AP3B1: variants seen among roughly 807,000 people sequenced by gnomAD.
The protein encoded by AP3B1 is adaptor related protein complex 3 subunit beta 1.
In AP3B1, 61 loss-of-function variants were observed where a neutral mutation model predicts 132.5. That is an observed-to-expected ratio of 0.46 (90% confidence interval 0.37 to 0.57). The LOEUF is 0.57. Ranked by LOEUF, AP3B1 falls within the 20% of genes least tolerant of loss-of-function variation. The pLI is 0.00. For synonymous variants in AP3B1, 388 were observed against 438.3 expected, an observed-to-expected ratio of 0.89 and a Z score of 1.43; for missense variants, 1,120 against 1,289.4, an observed-to-expected ratio of 0.87 and a Z score of 2.01.
intron 4 of AP3B1, 84 bp from the exon 5 acceptor site, chr5:78,227,616 TA>T: frequency 7.6e-7 from 1 of 1,312,544 alleles, no homozygotes; most frequent in Non-Finnish European, 1.1e-6. Flanking sequence ...AATAGGTGCT[TA>T]AAGGGTGTAA....
intron 22 of AP3B1, among the ~76,000 whole-genome samples, chr5:78,049,421 C>G (rs1748485749): frequency 6.6e-6 from 1 of 152,166 alleles, no homozygotes; most frequent in Admixed American, 6.5e-5. Context: ...GTTGTACCAG[C>G]CCTGTGCTAA....
At chr5:78,222,033 C>G (rs1224206376) in intron 6 of AP3B1, among the ~76,000 whole-genome samples, 1 of 151,696 alleles carries the variant, frequency 6.6e-6, no homozygotes, top group East Asian at 1.9e-4. Context: ...AGTGATGGCA[C>G]TAAACAATAT....
intron 22 of AP3B1, among the ~76,000 whole-genome samples, chr5:78,070,779 A>G (rs1283092514): frequency 6.6e-6 from 1 of 152,226 alleles, no homozygotes; most frequent in African/African-American, 2.4e-5. Context: ...TCTCAAAAGA[A>G]GATATTTATG....
At chr5:78,009,780 G>A (rs1200519669) in intron 26 of AP3B1, among the ~76,000 whole-genome samples, 2 of 150,734 alleles carry the variant, frequency 1.3e-5, no homozygotes, top group Admixed American at 6.6e-5. Flanking sequence ...ATACGGGGGG[G>A]TGGGGGAGGG....
Position 78,294,446 on chromosome 5 carries a change from C to G in AP3B1, c.128+6G>C. 6.2e-7 allele frequency: 1 copy of G among 1,614,174 alleles called. No homozygotes were observed. Among genetic ancestry groups the G allele is most frequent in the Non-Finnish European group, 8.5e-7 (1 of 1,180,042 alleles). On this transcript the variant is annotated splice_donor_region_variant and intron_variant, in intron 1 of 26. Coordinates refer to ENST00000255194, the MANE Select transcript of AP3B1 (RefSeq NM_003664.5). ...CCATCCCCGCAACCCAAACCTTTCT[C>G]CTCACTTCTTCAAATCGCTGCTAAA...
At chr5:78,238,694 G>C in intron 3 of AP3B1, among the ~76,000 whole-genome samples, 1 of 151,216 alleles carries the variant, frequency 6.6e-6, no homozygotes, top group East Asian at 1.9e-4. Flanking sequence ...ATGCAAGTTG[G>C]AAAAAAACTA....
intron 7 of AP3B1, among the ~76,000 whole-genome samples, chr5:78,200,273 G>C (rs1304597536): frequency 1.3e-5 from 2 of 151,966 alleles, no homozygotes; most frequent in South Asian, 4.2e-4. Context: ...TAACAGAAGG[G>C]TTCAAGGAGG....
At chr5:78,173,299 G>A (rs546071970) in intron 11 of AP3B1, among the ~76,000 whole-genome samples, 2 of 152,076 alleles carry the variant, frequency 1.3e-5, no homozygotes, top group Non-Finnish European at 2.9e-5. Context: ...TGAGTTCAAG[G>A]CCTGGATATC....
chr5:78,136,821 G>T (rs1752933443), intron 15 of AP3B1, among the ~76,000 whole-genome samples: 1 of 150,978 alleles, frequency 6.6e-6, no homozygotes, highest in South Asian at 2.1e-4. Context: ...GGTTTTTATT[G>T]TGTGATTTTG....
At chr5:78,292,200 G>A (rs958669867) in intron 1 of AP3B1, among the ~76,000 whole-genome samples, 5 of 152,078 alleles carry the variant, frequency 3.3e-5, no homozygotes, top group African/African-American at 1.2e-4. Flanking sequence ...TTTGTCATTC[G>A]ATTTTTTAAA....
intron 15 of AP3B1, among the ~76,000 whole-genome samples, chr5:78,136,097 T>A (rs1752899584): frequency 6.6e-6 from 1 of 152,180 alleles, no homozygotes; most frequent in South Asian, 2.1e-4. Flanking sequence ...GTAGTTTTTT[T>A]TCCTAATAAG....
chr5:78,283,381 C>T (rs10062813), intron 1 of AP3B1, among the ~76,000 whole-genome samples: 82,180 of 151,998 alleles, frequency 0.54, 22,433 homozygotes, highest in Middle Eastern at 0.56. Flanking sequence ...TTCGCCCTTT[C>T]CTTATACCTT....
intron 13 of AP3B1, among the ~76,000 whole-genome samples, chr5:78,157,072 CAGG>C (rs1257104855): frequency 6.6e-6 from 1 of 152,054 alleles, no homozygotes; most frequent in Non-Finnish European, 1.5e-5. Flanking sequence ...AAAGCTTCAG[CAGG>C]AGATGGTGGG....
chr5:78,079,224 G>T lies in AP3B1; in HGVS notation c.2577+10169C>A, dbSNP rs1213091612. On this transcript the variant is annotated intron_variant, in intron 22 of 26. Transcript: ENST00000255194. ...CTAACATAAGTTAACATTTTTTTTT[G>T]AAATAAAATCTAAAGGGTTGAAATA... Among the ~76,000 whole-genome samples the T allele has an allele frequency of 3.3e-5, 5 of 151,592 alleles. No individual in the cohort carries two copies. In the South Asian group the frequency reaches 8.3e-4, roughly 25 times the overall value.
In AP3B1 at chr5:78,117,855, T is replaced by C. The variant is rs115142977; in HGVS notation, c.1969-1621A>G. Among the ~76,000 whole-genome samples the C allele has an allele frequency of 1.8e-3, 274 of 152,332 alleles. 1 individual carries two copies. Among genetic ancestry groups the C allele is most frequent in the Middle Eastern group, 3.4e-3 (1 of 294 alleles). ...CAAGAAGAAATTAAATCATGCTTCA[T>C]ATATGATTTTTTAAAAAGCAGGGAA... is the stretch of plus-strand genomic sequence containing the variant. On this transcript the variant is annotated intron_variant, in intron 17 of 26. Transcript: ENST00000255194.
In AP3B1 at chr5:78,070,219, C is replaced by T. The variant is rs138735381; in HGVS notation, c.2577+19174G>A. 4.7e-3 allele frequency among the ~76,000 whole-genome samples: 713 copies of T among 152,098 alleles called. 4 individuals carry two copies. Among genetic ancestry groups the T allele is most frequent in the African/African-American group, 0.016 (664 of 41,490 alleles). On this transcript the variant is annotated intron_variant, in intron 22 of 26. Transcript: ENST00000255194. Reference sequence around the variant, plus strand: ...GTCAGGAGTTCAAGAACAGCCTGGCCAACATGGTGAAACCCCGTATCTACT... The same window carrying T: ...GTCAGGAGTTCAAGAACAGCCTGGCTAACATGGTGAAACCCCGTATCTACT...
At chr5:78,121,515 C>T (rs1752193607) in intron 17 of AP3B1, among the ~76,000 whole-genome samples, 1 of 152,164 alleles carries the variant, frequency 6.6e-6, no homozygotes, top group South Asian at 2.1e-4. Context: ...AAAGGGATAT[C>T]ACCACTGATC....
chr5:78,101,453 C>G, intron 20 of AP3B1: 1 of 330,942 alleles, frequency 3.0e-6, no homozygotes. Flanking sequence ...ATAGGTCAGC[C>G]TTTTCTGATA....
In AP3B1 at chr5:78,167,541, G is replaced by A. The variant is rs532122389; in HGVS notation, c.1168-1869C>T. On this transcript the variant is annotated intron_variant, in intron 11 of 26. Coordinates refer to ENST00000255194, the MANE Select transcript of AP3B1 (RefSeq NM_003664.5). ...ATACAAAAAAGATACTTGCACACAC[G>A]TTTATAGCAGCACAATTTGCAATGG... Among the ~76,000 whole-genome samples the A allele has an allele frequency of 2.6e-4, 40 of 152,054 alleles. No individual in the cohort carries two copies. In the South Asian group the frequency reaches 8.3e-3, roughly 32 times the overall value.
Sources: allele counts gnomAD v4.1 joint callset (sites outside exome capture counted in the v4.1 genomes callset), GRCh38; gene constraint gnomAD v4.1.1; transcripts MANE v1.5; gene names NCBI Gene and HGNC (gene_info 2026-07-23, HGNC 2026-07-21).